TENM3: variants seen among roughly 807,000 people sequenced by gnomAD.
TENM3 encodes the protein teneurin transmembrane protein 3, also known as teneurin-3.
A neutral mutation model predicts 255.1 loss-of-function variants in TENM3; 63 were observed. That is an observed-to-expected ratio of 0.25 (90% CI 0.20 to 0.30). The LOEUF (loss-of-function observed/expected upper bound fraction) is 0.30, where lower values mean the gene tolerates loss of function less well. Ranked by LOEUF, TENM3 falls within the 10% of genes least tolerant of loss-of-function variation. TENM3 has a pLI of 1.00. For synonymous variants in TENM3, 1,306 were observed against 1,322.3 expected (o/e 0.99, Z 0.27); for missense variants, 2,929 against 3,461.1 (o/e 0.85, Z 3.86).
the TENM3 span, among the ~76,000 whole-genome samples, chr4:181,728,112 T>C: frequency 1.2e-4 from 18 of 152,308 alleles, no homozygotes; most frequent in Admixed American, 9.2e-4. Flanking sequence ...AAAACTTTTA[T>C]CAAAAAACAG....
At chr4:181,658,233 A>G in the TENM3 span, among the ~76,000 whole-genome samples, 2 of 152,208 alleles carry the variant, frequency 1.3e-5, no homozygotes, top group African/African-American at 4.8e-5. Context: ...GTGTTTTCCT[A>G]GCTTGTTTGA....
At chr4:181,696,314 G>A in the TENM3 span, among the ~76,000 whole-genome samples, 10 of 151,966 alleles carry the variant, frequency 6.6e-5, no homozygotes, top group South Asian at 2.1e-4. Context: ...CTGCCCTACC[G>A]CCCCTCTCTC....
the TENM3 span, among the ~76,000 whole-genome samples, chr4:181,927,574 G>A: frequency 6.6e-6 from 1 of 152,214 alleles, no homozygotes. Flanking sequence ...GCACCTGGGG[G>A]AAGGGGTAGC....
chr4:181,936,448 A>G, the TENM3 span, among the ~76,000 whole-genome samples: 1 of 152,150 alleles, frequency 6.6e-6, no homozygotes, highest in African/African-American at 2.4e-5. Flanking sequence ...GAATTAATTA[A>G]TTAGTTAATT....
chr4:181,826,257 T>C, the TENM3 span, among the ~76,000 whole-genome samples: 1 of 150,840 alleles, frequency 6.6e-6, no homozygotes. Flanking sequence ...ATTTGATAAC[T>C]AAAAAAAAAT....
chr4:182,202,916 A>G (rs948452820), intron 1 of TENM3, among the ~76,000 whole-genome samples: 4 of 152,094 alleles, frequency 2.6e-5, no homozygotes, highest in Admixed American at 2.0e-4. Context: ...ACAATGTGTC[A>G]TTATGAAAAT....
At chr4:181,502,615 A>G in the TENM3 span, among the ~76,000 whole-genome samples, 8 of 152,220 alleles carry the variant, frequency 5.3e-5, no homozygotes, top group Admixed American at 5.2e-4. Context: ...TCCATTGGCC[A>G]GAACTAGCAC....
At chr4:182,253,834 TAGC>T (rs1267289648) in intron 1 of TENM3, among the ~76,000 whole-genome samples, 3 of 152,160 alleles carry the variant, frequency 2.0e-5, no homozygotes, top group Admixed American at 2.0e-4. Context: ...TAAATCGAGA[TAGC>T]AGATGTTGCA....
intron 24 of TENM3, among the ~76,000 whole-genome samples, chr4:182,786,599 G>C (rs542841119): frequency 6.6e-6 from 1 of 151,970 alleles, no homozygotes; most frequent in South Asian, 2.1e-4. Flanking sequence ...GAGCAGCATG[G>C]GGTTCCATGC....
chr4:182,200,803 A>G (rs1579690208), intron 1 of TENM3, among the ~76,000 whole-genome samples: 1 of 150,362 alleles, frequency 6.7e-6, no homozygotes, highest in South Asian at 2.1e-4. Context: ...CAAGGGGAAG[A>G]ATAACTTTAG....
At chr4:181,669,107 A>C in the TENM3 span, among the ~76,000 whole-genome samples, 1 of 152,196 alleles carries the variant, frequency 6.6e-6, no homozygotes, top group Non-Finnish European at 1.5e-5. Context: ...TCTGAAAAAA[A>C]ATTACCAGCA....
chr4:181,866,611 G>A, the TENM3 span, among the ~76,000 whole-genome samples: 2 of 152,118 alleles, frequency 1.3e-5, no homozygotes, highest in African/African-American at 4.8e-5. Context: ...AGAGAACAAC[G>A]GCCCTGGTGT....
At chr4:182,220,616 A>T (rs1429227395) in intron 1 of TENM3, among the ~76,000 whole-genome samples, 1 of 152,162 alleles carries the variant, frequency 6.6e-6, no homozygotes, top group African/African-American at 2.4e-5. Context: ...GAGAAGGTTC[A>T]TGCTTCTTGC....
At chr4:182,227,897 CAG>C (rs1756283314) in intron 1 of TENM3, among the ~76,000 whole-genome samples, 3 of 152,166 alleles carry the variant, frequency 2.0e-5, no homozygotes, top group African/African-American at 7.2e-5. Context: ...GGTGGAGCGG[CAG>C]AGAGGGACCC....
At chr4:182,080,472 C>T in the TENM3 span, among the ~76,000 whole-genome samples, 3 of 151,944 alleles carry the variant, frequency 2.0e-5, no homozygotes, top group East Asian at 3.9e-4. Flanking sequence ...AAGTAGTGAC[C>T]TCTAGGTAGT....
the TENM3 span, among the ~76,000 whole-genome samples, chr4:181,663,585 G>T: frequency 3.9e-5 from 6 of 152,160 alleles, no homozygotes; most frequent in African/African-American, 1.4e-4. Context: ...AATATTTTAT[G>T]AATTACAGCT....
the TENM3 span, among the ~76,000 whole-genome samples, chr4:182,059,937 G>GA: frequency 1.1e-4 from 16 of 149,828 alleles, no homozygotes; most frequent in Admixed American, 4.7e-4. Context: ...TGTCTCAAAA[G>GA]AAAAAAAAAT....
chr4:181,737,418 C>T, the TENM3 span, among the ~76,000 whole-genome samples: 1 of 152,098 alleles, frequency 6.6e-6, no homozygotes, highest in Non-Finnish European at 1.5e-5. Flanking sequence ...CCTTTTCCTC[C>T]TGTCATGCTC....
chr4:181,532,367 G>A, the TENM3 span, among the ~76,000 whole-genome samples: 489 of 152,136 alleles, frequency 3.2e-3, 1 homozygote, highest in African/African-American at 0.011. Flanking sequence ...AGTTGGGTGC[G>A]GGAGGTAAAA....
Sources: allele counts gnomAD v4.1 joint callset (sites outside exome capture counted in the v4.1 genomes callset), GRCh38; gene constraint gnomAD v4.1.1; transcripts MANE v1.5; gene names NCBI Gene and HGNC (gene_info 2026-07-23, HGNC 2026-07-21).